Variants in KIF13B observed in about 807,000 individuals in gnomAD.
The protein encoded by KIF13B is kinesin family member 13B.
Under a neutral mutation model 222.0 loss-of-function variants are expected in KIF13B, and 127 were observed. The observed-to-expected ratio is 0.57, with a 90% CI of 0.50 to 0.66. The LOEUF (loss-of-function observed/expected upper bound fraction) is 0.66, where lower values mean the gene tolerates loss of function less well. Ranked by LOEUF, KIF13B falls within the 30% of genes least tolerant of loss-of-function variation. The pLI is 0.00. For synonymous variants in KIF13B, 976 were observed against 919.0 expected, an observed-to-expected ratio of 1.06 and a Z score of -1.12; for missense variants, 2,173 against 2,379.0, an observed-to-expected ratio of 0.91 and a Z score of 1.80.
At chr8:29,233,610 A>T (rs1815381168) in intron 2 of KIF13B, among the ~76,000 whole-genome samples, 1 of 152,226 alleles carries the variant, frequency 6.6e-6, no homozygotes, top group South Asian at 2.1e-4. Flanking sequence ...TTACACTCTT[A>T]AATATTAGTG....
chr8:29,163,999 A>G (rs1486587052), intron 12 of KIF13B, among the ~76,000 whole-genome samples: 1 of 152,236 alleles, frequency 6.6e-6, no homozygotes, highest in East Asian at 1.9e-4. Flanking sequence ...TCTCTTCTCT[A>G]TAATTTTAGG....
chr8:29,168,282 C>G (rs1173394097), intron 10 of KIF13B, among the ~76,000 whole-genome samples: 1 of 152,242 alleles, frequency 6.6e-6, no homozygotes, highest in Non-Finnish European at 1.5e-5. Context: ...GGCTTTAGGA[C>G]CGACTGGCTT....
chr8:29,169,855 T>C (rs577148348), intron 10 of KIF13B, among the ~76,000 whole-genome samples: 2 of 152,328 alleles, frequency 1.3e-5, no homozygotes, highest in African/African-American at 2.4e-5. Context: ...CAGCATCGCA[T>C]TGTCCTCTGA....
At chr8:29,241,664 GTC>G (rs1195650210) in intron 2 of KIF13B, among the ~76,000 whole-genome samples, 4 of 145,162 alleles carry the variant, frequency 2.8e-5, no homozygotes, top group African/African-American at 1.0e-4. Context: ...CAGCGAAGCA[GTC>G]TCTGTGCTTT....
intron 16 of KIF13B, 127 bp from the exon 17 acceptor site, chr8:29,147,729 C>A: frequency 1.4e-6 from 1 of 710,606 alleles, no homozygotes. Context: ...GACAATTTGG[C>A]ATAAACTTAG....
rs554750888 is a variant in KIF13B, at chr8:29,186,756, C to T, written c.317-284G>A. On this transcript the variant is annotated intron_variant, in intron 5 of 39. Transcript: ENST00000524189. ...GGCAGATTGCCTGAGCTCAGGAGTT[C>T]GAGATCAGCCTGGGCAACAAGGTGA... Among the ~76,000 whole-genome samples, 28 of 151,268 alleles carry T rather than the reference C, an allele frequency of 1.9e-4. No individual in the cohort carries two copies. The South Asian group carries it at 5.8e-3, about 32-fold the overall frequency.
At chr8:29,252,039 A>AG (rs1178224302) in intron 1 of KIF13B, among the ~76,000 whole-genome samples, 2 of 150,862 alleles carry the variant, frequency 1.3e-5, no homozygotes. Flanking sequence ...GAAAAAGGGA[A>AG]GGGGGATGGG....
rs1807310568 is a variant in KIF13B, at chr8:29,071,999, G to C, written c.4839C>G (p.Pro1613=). The part of the protein sequence containing the change: ...PEAPISHPPP[P]TAVPAEEPPG... The stretch of plus-strand genomic sequence containing the variant: ...GGGGCTCCTCGGCGGGGACGGCCGT[G>C]GGCGGTGGGGGGTGGCTGATGGGCG... The change falls in exon 39 of 40, where the codon CCC becomes CCG. Residue 1613 remains proline, a synonymous_variant. Coordinates refer to ENST00000524189, the MANE Select transcript of KIF13B (RefSeq NM_015254.4). This position sits in a 1 kb window ranked among gnomAD's most constrained non-coding sequence, Gnocchi z 4.9. 1 of 1,291,708 alleles carries C rather than the reference G, an allele frequency of 7.7e-7. No individual in the cohort carries two copies. Among genetic ancestry groups the C allele is most frequent in the Non-Finnish European group, 9.8e-7 (1 of 1,022,620 alleles). 80.0% of individuals were successfully genotyped at this position (1,291,708 alleles called of 1,614,324 possible).
intron 7 of KIF13B, 28 bp downstream of exon 7, chr8:29,181,891 A>G: frequency 1.3e-6 from 2 of 1,545,756 alleles, no homozygotes; most frequent in Non-Finnish European, 1.8e-6. Flanking sequence ...CACTAAATTT[A>G]AATAGTTCAC....
chr8:29,109,374 A>G, intron 34 of KIF13B, 60 bp downstream of exon 34: 1 of 1,322,486 alleles, frequency 7.6e-7, no homozygotes, highest in Non-Finnish European at 1.1e-6. Context: ...GAGTTACCCA[A>G]GAAAAGAGGA....
chr8:29,086,007 G>T (rs978575397), intron 37 of KIF13B, among the ~76,000 whole-genome samples: 1 of 152,024 alleles, frequency 6.6e-6, no homozygotes, highest in African/African-American at 2.4e-5. Context: ...CCTCCTTGGT[G>T]CTGGTATCCC....
chr8:29,227,268 T>G (rs1232521683), intron 2 of KIF13B, among the ~76,000 whole-genome samples: 1 of 151,866 alleles, frequency 6.6e-6, no homozygotes, highest in Non-Finnish European at 1.5e-5. Context: ...CATTTTATAC[T>G]AACTGCTACA....
At chr8:29,097,003 G>A (rs1172463106) in intron 36 of KIF13B, among the ~76,000 whole-genome samples, 8 of 152,096 alleles carry the variant, frequency 5.3e-5, no homozygotes, top group Admixed American at 3.9e-4. Flanking sequence ...GAAGCATGCC[G>A]ATTGAAGGGC....
intron 14 of KIF13B, among the ~76,000 whole-genome samples, chr8:29,153,946 T>A (rs1586851019): frequency 6.6e-6 from 1 of 152,378 alleles, no homozygotes; most frequent in East Asian, 1.9e-4. Flanking sequence ...GTGATTTATG[T>A]GTATGCATAC....
intron 12 of KIF13B, among the ~76,000 whole-genome samples, chr8:29,163,963 G>T (rs893884607): frequency 6.6e-5 from 10 of 152,144 alleles, no homozygotes; most frequent in African/African-American, 2.4e-4. Context: ...AGGGAGATAT[G>T]TAATGAGAAA....
intron 37 of KIF13B, among the ~76,000 whole-genome samples, chr8:29,080,970 G>C (rs1807783260): frequency 6.6e-6 from 1 of 152,184 alleles, no homozygotes; most frequent in South Asian, 2.1e-4. Context: ...GCTGGAGGGA[G>C]CTTTCCGAAA....
intron 24 of KIF13B, among the ~76,000 whole-genome samples, chr8:29,129,435 T>C (rs1163718007): frequency 6.6e-6 from 1 of 152,206 alleles, no homozygotes; most frequent in African/African-American, 2.4e-5. Context: ...TTTGCTGGGG[T>C]CAGAGAACAA....
Position 29,165,689 on chromosome 8 carries a change from T to C in KIF13B, c.1242A>G (p.Lys414=). ...IQEMTVTWEE[K]LRKTEEIAQE... Reference sequence around the variant, plus strand: ...GTGCAATCTCCTCCGTTTTCCTTAATTTCTCCTCCCAGGTCACAGTCATTT... The same window carrying C: ...GTGCAATCTCCTCCGTTTTCCTTAACTTCTCCTCCCAGGTCACAGTCATTT... The change falls in exon 12 of 40, where the codon AAA becomes AAG. Residue 414 remains lysine, a synonymous_variant. Transcript: ENST00000524189. 1 of 1,613,304 alleles carries C rather than the reference T, an allele frequency of 6.2e-7. No individual in the cohort carries two copies.
At chr8:29,182,812 A>G (rs1236778752) in intron 6 of KIF13B, among the ~76,000 whole-genome samples, 1 of 152,174 alleles carries the variant, frequency 6.6e-6, no homozygotes, top group Non-Finnish European at 1.5e-5. Flanking sequence ...ACTGCACAGC[A>G]TGGTGACTAT....
Sources: gnomAD v4.1 joint callset for allele counts (sites outside exome capture counted in the v4.1 genomes callset) on GRCh38, gnomAD v4.1.1 for gene constraint, Gnocchi (gnomAD v3.1) non-coding constraint, MANE v1.5 for transcripts, NCBI Gene and HGNC (gene_info 2026-07-23, HGNC 2026-07-21) for gene names.